The following PCBP3 variants were observed in gnomAD, a reference collection of about 807,000 sequenced individuals.
PCBP3 encodes the protein poly(rC) binding protein 3, also known as poly(rC)-binding protein 3.
PCBP3 carries 25 observed loss-of-function variants against 52.7 expected under a neutral mutation model. That is an observed-to-expected ratio of 0.47 (90% confidence interval 0.35 to 0.66). The LOEUF (loss-of-function observed/expected upper bound fraction) is 0.66, where lower values mean the gene tolerates loss of function less well. Among genes scored for constraint, PCBP3 ranks in the 30% least tolerant of loss-of-function variants. The probability of loss-of-function intolerance (pLI) is 0.01; values close to 1 mark genes in which losing one functional copy is unlikely to be tolerated. For synonymous variants in PCBP3, 162 were observed against 183.0 expected (o/e 0.89, Z 0.93); for missense variants, 391 against 490.3 (o/e 0.80, Z 1.91).
At chr21:45,676,344 C>G (rs2081459217) in intron 2 of PCBP3, among the ~76,000 whole-genome samples, 1 of 151,102 alleles carries the variant, frequency 6.6e-6, no homozygotes, top group Admixed American at 6.6e-5. Context: ...ATAGGCATCA[C>G]TCATTTTATT....
chr21:45,785,260 C>T (rs2091026499), intron 4 of PCBP3, among the ~76,000 whole-genome samples: 2 of 151,574 alleles, frequency 1.3e-5, no homozygotes, highest in African/African-American at 2.4e-5. Flanking sequence ...AGCATCTCCG[C>T]CCGGCAGCCA....
At chr21:45,781,794 C>T (rs1313429918) in intron 4 of PCBP3, among the ~76,000 whole-genome samples, 7 of 152,190 alleles carry the variant, frequency 4.6e-5, no homozygotes, top group Admixed American at 4.6e-4. Flanking sequence ...TAGGTGTGTA[C>T]ATATGTTAAA....
intron 13 of PCBP3, among the ~76,000 whole-genome samples, chr21:45,921,902 C>T (rs903503039): frequency 6.6e-6 from 1 of 152,166 alleles, no homozygotes; most frequent in African/African-American, 2.4e-5. Context: ...ATTTTACCCA[C>T]GTCCTCCTCG....
chr21:45,852,046 G>A (rs2094030431), intron 5 of PCBP3, among the ~76,000 whole-genome samples: 2 of 152,170 alleles, frequency 1.3e-5, no homozygotes, highest in Admixed American at 6.5e-5. Flanking sequence ...TTAACAATAG[G>A]GTGACTATAG....
intron 4 of PCBP3, among the ~76,000 whole-genome samples, chr21:45,820,860 C>G (rs777058314): frequency 6.6e-6 from 1 of 152,154 alleles, no homozygotes; most frequent in Non-Finnish European, 1.5e-5. Flanking sequence ...GTTGGCCACA[C>G]GATCTGGGCT....
chr21:45,918,078 AGTCCAC>A, intron 13 of PCBP3: 2 of 232,386 alleles, frequency 8.6e-6, no homozygotes, highest in South Asian at 6.0e-5. Flanking sequence ...CCCCTTTCAG[AGTCCAC>A]ATGAAAACAT....
At chr21:45,896,875 C>CAT (rs2095846333) in intron 6 of PCBP3, among the ~76,000 whole-genome samples, 2 of 50,382 alleles carry the variant, frequency 4.0e-5, no homozygotes, top group Non-Finnish European at 8.0e-5. Context: ...AAGGCGGCCG[C>CAT]GGCACATAGA....
intron 12 of PCBP3, chr21:45,916,530 C>T (rs527565677): frequency 6.6e-6 from 1 of 152,358 alleles, no homozygotes; most frequent in South Asian, 2.1e-4. Flanking sequence ...GATGAAAACT[C>T]TTGGCAGATT....
chr21:45,664,646 A>C lies in PCBP3; in HGVS notation c.-278-4228A>C, dbSNP rs1333586308. Reference sequence around the variant, plus strand: ...CTTTTTTTATTATACTTTAAGTTTTAGGGTACATGTGCACATTGTGCAGGT... The same window carrying C: ...CTTTTTTTATTATACTTTAAGTTTTCGGGTACATGTGCACATTGTGCAGGT... On this transcript the variant is annotated intron_variant, in intron 1 of 17. Transcript: ENST00000681687. Among the ~76,000 whole-genome samples, 6 of 150,678 alleles carry C rather than the reference A, an allele frequency of 4.0e-5. No homozygotes were observed. In the East Asian group the frequency reaches 1.2e-3, roughly 29 times the overall value.
intron 4 of PCBP3, among the ~76,000 whole-genome samples, chr21:45,781,585 A>G (rs887399828): frequency 1.3e-5 from 2 of 152,196 alleles, no homozygotes; most frequent in African/African-American, 4.8e-5. Flanking sequence ...CAATCAAACC[A>G]AGAGCTTATT....
At chr21:45,854,585 G>A (rs984254251) in intron 5 of PCBP3, among the ~76,000 whole-genome samples, 42 of 152,206 alleles carry the variant, frequency 2.8e-4, no homozygotes, top group Non-Finnish European at 5.9e-5. Flanking sequence ...GCATGTGTGA[G>A]AATGTCCTTC....
chr21:45,808,425 A>G (rs989491852), intron 4 of PCBP3, among the ~76,000 whole-genome samples: 6 of 152,222 alleles, frequency 3.9e-5, no homozygotes, highest in Non-Finnish European at 7.3e-5. Context: ...ATGCGGCCAA[A>G]AAACGTGAAA....
In PCBP3 at chr21:45,883,815, A is replaced by G. The variant is rs368919105; in HGVS notation, c.11-12393A>G. 1.7e-3 allele frequency among the ~76,000 whole-genome samples: 265 copies of G among 152,350 alleles called. 8 individuals carry two copies. In the South Asian group the frequency reaches 0.054, roughly 31 times the overall value. On this transcript the variant is annotated intron_variant, in intron 5 of 17. Coordinates refer to ENST00000681687, the MANE Select transcript of PCBP3 (RefSeq NM_001384156.1). ...TCTGTAGACAGCATATGATGGGGTC[A>G]TATTTTTAAATCCACTCTGCCCATC...
chr21:45,780,794 AAGAG>A (rs139245154), intron 4 of PCBP3, among the ~76,000 whole-genome samples: 2 of 151,462 alleles, frequency 1.3e-5, no homozygotes, highest in Non-Finnish European at 2.9e-5. Flanking sequence ...GGTGGGGAGC[AAGAG>A]AGAGAGAGAG....
At chr21:45,868,411 C>CTTTTT (rs1232045625) in intron 5 of PCBP3, among the ~76,000 whole-genome samples, 13,438 of 113,122 alleles carry the variant, frequency 0.12, 844 homozygotes, top group South Asian at 0.21. Context: ...CTTATTTGTT[C>CTTTTT]TTTTTTTTTT....
intron 5 of PCBP3, among the ~76,000 whole-genome samples, chr21:45,887,603 C>T (rs1399513524): frequency 1.3e-5 from 2 of 152,258 alleles, no homozygotes; most frequent in African/African-American, 4.8e-5. Context: ...CCTCGTTCCC[C>T]AGCTGTGCAC....
chr21:45,821,915 G>A lies in PCBP3; in HGVS notation c.-125-28046G>A, dbSNP rs1490161619. ...TCCTTAGGGTGCATTGTCACTCGGC[G>A]TTTCCGACACCTGCTCTCATCATTT... On this transcript the variant is annotated intron_variant, in intron 4 of 17. Coordinates refer to ENST00000681687, the MANE Select transcript of PCBP3 (RefSeq NM_001384156.1). The surrounding 1 kb of genome is among the most constrained non-coding windows in gnomAD (Gnocchi z 4.4). 3.3e-5 allele frequency among the ~76,000 whole-genome samples: 5 copies of A among 152,190 alleles called. No individual in the cohort carries two copies. The highest frequency in any genetic ancestry group is 6.5e-5 in the Admixed American group (1 of 15,288).
At chr21:45,649,389 C>T (rs2146783637) in intron 1 of PCBP3, among the ~76,000 whole-genome samples, 1 of 152,260 alleles carries the variant, frequency 6.6e-6, no homozygotes, top group Middle Eastern at 3.4e-3. Flanking sequence ...ATAATATATC[C>T]TCCTCTTTAA....
rs867696604 is a variant in PCBP3, at chr21:45,744,773, C to T, written c.-162+9344C>T. Among the ~76,000 whole-genome samples, 7 of 152,308 alleles carry T rather than the reference C, an allele frequency of 4.6e-5. No homozygotes were observed. The South Asian group carries it at 1.2e-3, about 27-fold the overall frequency. ...GCATTTGACTCTCAGTCTTCTAAGA[C>T]ACTTTTAACTCTGTTCTACTGGCTT... is the stretch of plus-strand genomic sequence containing the variant. On this transcript the variant is annotated intron_variant, in intron 3 of 17. Transcript: ENST00000681687.
Sources: allele counts gnomAD v4.1 joint callset (sites outside exome capture counted in the v4.1 genomes callset), GRCh38; gene constraint gnomAD v4.1.1; non-coding constraint Gnocchi (gnomAD v3.1); transcripts MANE v1.5; gene names NCBI Gene and HGNC (gene_info 2026-07-23, HGNC 2026-07-21).